Variants in SEMA6D observed in about 807,000 individuals in gnomAD.
SEMA6D encodes semaphorin-6D.
A neutral mutation model predicts 106.6 loss-of-function variants in SEMA6D; 35 were observed. That is an observed-to-expected ratio of 0.33 (90% CI 0.25 to 0.44). SEMA6D has a LOEUF of 0.44. Ranked by LOEUF, SEMA6D falls within the 20% of genes least tolerant of loss-of-function variation. SEMA6D has a pLI of 1.00. For synonymous variants in SEMA6D, 499 were observed against 487.7 expected (o/e 1.02, Z -0.31); for missense variants, 1,185 against 1,345.9 (o/e 0.88, Z 1.87).
intron 1 of SEMA6D, among the ~76,000 whole-genome samples, chr15:47,350,342 A>G (rs753163126): frequency 6.6e-6 from 1 of 152,206 alleles, no homozygotes; most frequent in African/African-American, 2.4e-5. Flanking sequence ...TAAATGTTAG[A>G]AAGTTTAATT....
chr15:47,409,563 A>T (rs185329725), intron 1 of SEMA6D, among the ~76,000 whole-genome samples: 155 of 152,354 alleles, frequency 1.0e-3, no homozygotes, highest in African/African-American at 3.4e-3. Context: ...GATACCTTCC[A>T]GCCTGTTGCT....
At chr15:47,762,376 G>A (rs918149268) in intron 8 of SEMA6D, 57 bp downstream of exon 8, 9 of 1,593,556 alleles carry the variant, frequency 5.6e-6, no homozygotes, top group Admixed American at 5.1e-5. Flanking sequence ...CCCAAGTGGG[G>A]ACAGCAGCCA....
chr15:47,661,189 A>G (rs1596558621), intron 4 of SEMA6D, among the ~76,000 whole-genome samples: 1 of 152,310 alleles, frequency 6.6e-6, no homozygotes, highest in East Asian at 1.9e-4. Context: ...CCCTGGGGAA[A>G]CTGTTTCCTA....
intron 1 of SEMA6D, among the ~76,000 whole-genome samples, chr15:47,731,850 T>C (rs1567039938): frequency 6.6e-6 from 1 of 152,204 alleles, no homozygotes. Context: ...TACATAGGTG[T>C]ATGTAAATAT....
chr15:47,572,648 A>T (rs2076082450), intron 3 of SEMA6D, among the ~76,000 whole-genome samples: 1 of 152,224 alleles, frequency 6.6e-6, no homozygotes, highest in Non-Finnish European at 1.5e-5. Context: ...ATTCTCACAC[A>T]TATACACGCA....
intron 4 of SEMA6D, among the ~76,000 whole-genome samples, chr15:47,684,576 A>C (rs2078430406): frequency 6.6e-6 from 1 of 152,242 alleles, no homozygotes; most frequent in Admixed American, 6.5e-5. Context: ...TGTTTCCTGG[A>C]GTTTATAATA....
At chr15:47,459,812 G>A (rs1159890533) in intron 2 of SEMA6D, among the ~76,000 whole-genome samples, 1 of 152,042 alleles carries the variant, frequency 6.6e-6, no homozygotes, top group Non-Finnish European at 1.5e-5. Flanking sequence ...ATCTCTGGGT[G>A]ATAACAAAGA....
At chr15:47,659,378 G>A (rs1596554396) in intron 4 of SEMA6D, among the ~76,000 whole-genome samples, 1 of 151,400 alleles carries the variant, frequency 6.6e-6, no homozygotes, top group Non-Finnish European at 1.5e-5. Context: ...ATTGTATTAG[G>A]AAAACTAGCC....
chr15:47,394,463 G>A (rs972043357), intron 1 of SEMA6D, among the ~76,000 whole-genome samples: 7 of 152,128 alleles, frequency 4.6e-5, no homozygotes, highest in African/African-American at 1.7e-4. Flanking sequence ...AAAGAGAGTG[G>A]CGAATTAGTT....
At chr15:47,451,640 T>C (rs992409353) in intron 2 of SEMA6D, among the ~76,000 whole-genome samples, 3 of 152,018 alleles carry the variant, frequency 2.0e-5, no homozygotes, top group African/African-American at 7.2e-5. Context: ...GGTCTGAAAA[T>C]TTTATTTAGG....
chr15:47,454,219 A>G (rs1437823045), intron 2 of SEMA6D, among the ~76,000 whole-genome samples: 2 of 151,984 alleles, frequency 1.3e-5, no homozygotes, highest in Non-Finnish European at 2.9e-5. Context: ...TTTATAATAC[A>G]CCTAAAAATT....
chr15:47,369,094 G>A (rs1412329006), intron 1 of SEMA6D, among the ~76,000 whole-genome samples: 4 of 152,314 alleles, frequency 2.6e-5, no homozygotes, highest in Admixed American at 6.5e-5. Context: ...AGTTGCTGGT[G>A]TTAGATATCA....
At chr15:47,655,009 G>A (rs117515638) in intron 4 of SEMA6D, among the ~76,000 whole-genome samples, 1,553 of 152,264 alleles carry the variant, frequency 0.01, 16 homozygotes, top group South Asian at 0.045. Context: ...GGAAGAAGAC[G>A]AGAGGTTTGT....
chr15:47,566,915 A>T (rs2413877), intron 3 of SEMA6D, among the ~76,000 whole-genome samples: 2 of 50,170 alleles, frequency 4.0e-5, no homozygotes, highest in Admixed American at 1.7e-4. Context: ...GAATAAAACA[A>T]GAGGGTGTTA....
At chr15:47,343,031 C>T (rs1000204106) in intron 1 of SEMA6D, among the ~76,000 whole-genome samples, 1 of 152,084 alleles carries the variant, frequency 6.6e-6, no homozygotes, top group African/African-American at 2.4e-5. Context: ...ACTTTTAAGA[C>T]ATCTAATATG....
intron 1 of SEMA6D, among the ~76,000 whole-genome samples, chr15:47,263,497 A>T (rs2034173593): frequency 6.6e-6 from 1 of 152,192 alleles, no homozygotes; most frequent in Non-Finnish European, 1.5e-5. Flanking sequence ...CCACAATGAG[A>T]CACCATCTTA....
intron 1 of SEMA6D, among the ~76,000 whole-genome samples, chr15:47,749,337 T>C (rs2081308672): frequency 6.6e-6 from 1 of 152,140 alleles, no homozygotes; most frequent in Non-Finnish European, 1.5e-5. Flanking sequence ...CACCTTGGCC[T>C]CCCAGATTGC....
intron 1 of SEMA6D, among the ~76,000 whole-genome samples, chr15:47,270,262 A>G (rs1039075229): frequency 6.7e-6 from 1 of 150,114 alleles, no homozygotes; most frequent in Non-Finnish European, 1.5e-5. Context: ...TATTTTAAGA[A>G]TTTTATTTTC....
intron 4 of SEMA6D, among the ~76,000 whole-genome samples, chr15:47,675,257 C>A (rs2078219571): frequency 6.6e-6 from 1 of 152,134 alleles, no homozygotes; most frequent in South Asian, 2.1e-4. Flanking sequence ...TATGTTGAAG[C>A]CCTAATCCCT....
Sources: gnomAD v4.1 joint callset for allele counts (sites outside exome capture counted in the v4.1 genomes callset) on GRCh38, gnomAD v4.1.1 for gene constraint, MANE v1.5 for transcripts, NCBI Gene and HGNC (gene_info 2026-07-23, HGNC 2026-07-21) for gene names.